The following ZMAT1 variants were observed in gnomAD, a reference collection of about 807,000 sequenced individuals.
The protein encoded by ZMAT1 is zinc finger matrin-type 1.
Under a neutral mutation model 18.5 loss-of-function variants are expected in ZMAT1, and 11 were observed. That is an observed-to-expected ratio of 0.59 (90% CI 0.37 to 0.98). The LOEUF (loss-of-function observed/expected upper bound fraction) is 0.98. Among genes scored for constraint, ZMAT1 ranks in the 50% least tolerant of loss-of-function variants. The pLI, the probability that ZMAT1 is intolerant of heterozygous loss-of-function variation, is 0.01. For synonymous variants in ZMAT1, 211 were observed against 176.4 expected (o/e 1.20, Z -1.55); for missense variants, 525 against 496.2 (o/e 1.06, Z -0.55).
intron 1 of ZMAT1, among the ~76,000 whole-genome samples, chrX:101,913,926 T>C (rs762844111): frequency 2.7e-5 from 3 of 112,084 alleles, no homozygotes; most frequent in South Asian, 3.7e-4. Context: ...TTCTCAAGAA[T>C]AGACCATATG....
At chrX:101,916,842 C>A (rs967568378) in intron 1 of ZMAT1, among the ~76,000 whole-genome samples, 2 of 111,672 alleles carry the variant, frequency 1.8e-5, no homozygotes, top group African/African-American at 6.5e-5. Flanking sequence ...TAAAAGCAGA[C>A]ACATAGACCA....
intron 1 of ZMAT1, among the ~76,000 whole-genome samples, chrX:101,928,663 C>T (rs1270054785): frequency 8.9e-6 from 1 of 112,884 alleles, no homozygotes; most frequent in African/African-American, 3.2e-5. Context: ...AGCCTACCCA[C>T]TAGATTTTCT....
At chrX:101,909,445 G>A (rs1928816278) in intron 1 of ZMAT1, among the ~76,000 whole-genome samples, 1 of 111,883 alleles carries the variant, frequency 8.9e-6, no homozygotes, top group Admixed American at 9.5e-5. Flanking sequence ...CACCACAGTG[G>A]GGTAGGGCAT....
chrX:101,884,369 T>A lies in ZMAT1; in HGVS notation c.1229A>T (p.Glu410Val). 8.3e-7 allele frequency: 1 copy of A among 1,211,228 alleles called. No homozygotes were observed. The highest frequency in any genetic ancestry group is 1.8e-5 in the South Asian group (1 of 56,980). The change falls in exon 6 of 6, where the codon GAG becomes GTG. Residue 410 changes from glutamate to valine, a missense_variant. By Grantham distance (121) the Glu-to-Val change is moderately radical. Transcript: ENST00000651725. Reference sequence around the variant, plus strand: ...GGAAGCCTCATGTGAAAATCTTTGCTCACACATTCTTGATCTGGGTCCAGA... The same window carrying A: ...GGAAGCCTCATGTGAAAATCTTTGCACACACATTCTTGATCTGGGTCCAGA... ...VDSGPRSRMC[E>V]QRFSHEASQT...
At chrX:101,921,497 A>G (rs1342581606) in intron 1 of ZMAT1, among the ~76,000 whole-genome samples, 1 of 111,830 alleles carries the variant, frequency 8.9e-6, no homozygotes, top group African/African-American at 3.2e-5. Context: ...GTTTGCCTAA[A>G]TCCCTGCCAC....
chrX:101,899,410 G>A (rs189627765), intron 2 of ZMAT1, among the ~76,000 whole-genome samples: 2 of 111,368 alleles, frequency 1.8e-5, no homozygotes, highest in East Asian at 5.7e-4. Context: ...CCCAGCACCC[G>A]AGCAGTATAC....
chrX:101,925,442 T>C (rs1281781776), intron 1 of ZMAT1, among the ~76,000 whole-genome samples: 1 of 112,242 alleles, frequency 8.9e-6, no homozygotes, highest in Non-Finnish European at 1.9e-5. Context: ...AGAAAAACTA[T>C]GACCTACAGT....
intron 1 of ZMAT1, among the ~76,000 whole-genome samples, chrX:101,916,772 A>G (rs1240971150): frequency 1.8e-5 from 2 of 111,894 alleles, no homozygotes; most frequent in Non-Finnish European, 3.8e-5. Context: ...TTGTTCCTCC[A>G]TTGCCTGACT....
chrX:101,884,583 C>CTGCGTATG lies in ZMAT1; in HGVS notation c.1007_1014dup (p.Ala339HisfsTer42). The CTGCGTATG allele has an allele frequency of 8.3e-7, 1 of 1,210,665 alleles. No homozygotes were observed. The highest frequency in any genetic ancestry group is 1.1e-6 in the Non-Finnish European group (1 of 894,944). ...ATTGCTTGTGAAATATTGTATGGTG[C>CTGCGTATG]TGCGTATGTCCGGAAAGTCTCAAAT... On this transcript the variant is annotated frameshift_variant, in exon 6 of 6. Coordinates refer to ENST00000651725, the MANE Select transcript of ZMAT1 (RefSeq NM_001394560.1). LOFTEE classifies it low-confidence loss of function (END_TRUNC).
chrX:101,889,600 T>A (rs756194019), intron 4 of ZMAT1: 1 of 111,865 alleles, frequency 8.9e-6, no homozygotes, highest in African/African-American at 3.2e-5. Context: ...GTCCCAGAGA[T>A]GGTAATTTAA....
intron 1 of ZMAT1, among the ~76,000 whole-genome samples, chrX:101,907,280 G>A (rs767474815): frequency 2.1e-4 from 23 of 111,801 alleles, no homozygotes; most frequent in African/African-American, 6.8e-4. Context: ...CGTCAACACA[G>A]GCTGTAGGTC....
chrX:101,929,446 TATATATATATAC>T (rs1196427654), intron 1 of ZMAT1, among the ~76,000 whole-genome samples: 1 of 74,772 alleles, frequency 1.3e-5, no homozygotes, highest in African/African-American at 8.9e-5. Flanking sequence ...TATATATATA[TATATATATATAC>T]ACACAGAGAG....
chrX:101,906,538 C>T (rs1373307265), intron 1 of ZMAT1, among the ~76,000 whole-genome samples: 3 of 111,967 alleles, frequency 2.7e-5, no homozygotes, highest in Non-Finnish European at 5.7e-5. Flanking sequence ...GCACCTGTAG[C>T]TCTTGCTGGA....
At chrX:101,892,755 C>G in intron 4 of ZMAT1, 3 of 748,195 alleles carry the variant, frequency 4.0e-6, no homozygotes, top group Non-Finnish European at 4.7e-6. Flanking sequence ...AAGATCTGAG[C>G]TGGATGAGGG....
intron 1 of ZMAT1, among the ~76,000 whole-genome samples, chrX:101,921,037 G>A (rs1929689473): frequency 1.9e-5 from 2 of 107,757 alleles, no homozygotes; most frequent in Admixed American, 9.9e-5. Flanking sequence ...AAAAAAAAAA[G>A]GATATATAAA....
In ZMAT1 at chrX:101,883,046, G is replaced by C. The variant is rs1287658864; in HGVS notation, c.*464C>G. On this transcript the variant is annotated 3_prime_UTR_variant, in exon 6 of 6. Transcript: ENST00000651725. ...GAGGCTAGGTTTAGGCTTTTTTGTT[G>C]TTGTTTCTTCTTTCAATTAAATTTC... The C allele has an allele frequency of 2.7e-5, 3 of 110,952 alleles. No homozygotes were observed. The highest frequency in any genetic ancestry group is 9.8e-5 in the African/African-American group (3 of 30,555). 9.1% of individuals were successfully genotyped at this position (110,952 alleles called of 1,213,427 possible).
At chrX:101,911,948 A>G in intron 1 of ZMAT1, 1 of 1,203,794 alleles carries the variant, frequency 8.3e-7, no homozygotes, top group Non-Finnish European at 1.1e-6. Context: ...CTTTAGGCAG[A>G]GCACCCACCT....
At chrX:101,922,918 A>T (rs1050709861) in intron 1 of ZMAT1, among the ~76,000 whole-genome samples, 2 of 111,624 alleles carry the variant, frequency 1.8e-5, no homozygotes, top group Admixed American at 1.9e-4. Flanking sequence ...AGGAAAGGCC[A>T]GCCTCAGGGA....
At chrX:101,911,492 A>G (rs1928959039) in intron 1 of ZMAT1, 2 of 746,048 alleles carry the variant, frequency 2.7e-6, no homozygotes, top group Non-Finnish European at 1.9e-6. Context: ...GACATAGTAC[A>G]GTAAGATATA....
Sources: gnomAD v4.1 joint callset for allele counts (sites outside exome capture counted in the v4.1 genomes callset) on GRCh38, gnomAD v4.1.1 for gene constraint, MANE v1.5 for transcripts, NCBI Gene and HGNC (gene_info 2026-07-23, HGNC 2026-07-21) for gene names.